Variants in KALRN observed in about 807,000 individuals in gnomAD.
The protein encoded by KALRN is kalirin RhoGEF kinase.
KALRN carries 70 observed loss-of-function variants against 353.7 expected under a neutral mutation model. That is an observed-to-expected ratio of 0.20 (90% CI 0.16 to 0.24). The LOEUF is 0.24. Ranked by LOEUF, KALRN falls within the 10% of genes least tolerant of loss-of-function variation. KALRN has a pLI of 1.00. For missense variants in KALRN, 2,791 were observed against 3,756.7 expected, an observed-to-expected ratio of 0.74 and a Z score of 6.72; for synonymous variants, 1,391 against 1,434.8, an observed-to-expected ratio of 0.97 and a Z score of 0.69.
At chr3:124,546,290 CAAAAAAAAA>C (rs5852410) in intron 33 of KALRN, among the ~76,000 whole-genome samples, 1 of 114,674 alleles carries the variant, frequency 8.7e-6, no homozygotes, top group Non-Finnish European at 1.8e-5. Context: ...CCCCATCTCT[CAAAAAAAAA>C]AAAAAAAAAA....
At chr3:124,131,810 GT>G (rs1304035562) in intron 1 of KALRN, among the ~76,000 whole-genome samples, 1 of 152,124 alleles carries the variant, frequency 6.6e-6, no homozygotes, top group Non-Finnish European at 1.5e-5. Flanking sequence ...ACAGTGCCCT[GT>G]TTAGACAACC....
intron 34 of KALRN, among the ~76,000 whole-genome samples, chr3:124,607,063 C>T (rs2077421463): frequency 6.6e-6 from 1 of 152,226 alleles, no homozygotes. Context: ...ATCAATACCA[C>T]TTCTTGTACT....
At chr3:124,281,946 C>T (rs980615422) in intron 5 of KALRN, among the ~76,000 whole-genome samples, 5 of 152,206 alleles carry the variant, frequency 3.3e-5, no homozygotes, top group East Asian at 1.9e-4. Flanking sequence ...TTTCTAGGAA[C>T]GCTACCTTAA....
intron 34 of KALRN, among the ~76,000 whole-genome samples, chr3:124,631,368 G>A (rs1404889344): frequency 1.3e-5 from 2 of 152,080 alleles, no homozygotes; most frequent in African/African-American, 4.8e-5. Flanking sequence ...TCTCCACTCA[G>A]GTATCTAATG....
intron 9 of KALRN, among the ~76,000 whole-genome samples, chr3:124,342,840 G>GA (rs2081901778): frequency 6.6e-6 from 1 of 151,894 alleles, no homozygotes; most frequent in East Asian, 1.9e-4. Context: ...CATGGAAAGG[G>GA]AAAAAAATCT....
chr3:124,148,471 CT>C (rs2067663120), intron 1 of KALRN, among the ~76,000 whole-genome samples: 1 of 152,160 alleles, frequency 6.6e-6, no homozygotes, highest in African/African-American at 2.4e-5. Flanking sequence ...CTTAGTGTTT[CT>C]GTGTAACCTG....
At chr3:124,286,338 G>A (rs2075905026) in intron 5 of KALRN, among the ~76,000 whole-genome samples, 1 of 149,946 alleles carries the variant, frequency 6.7e-6, no homozygotes. Flanking sequence ...TCCGCCTTCT[G>A]GTTTCAAGCA....
chr3:124,290,284 G>A (rs897906822), intron 5 of KALRN, among the ~76,000 whole-genome samples: 2 of 152,100 alleles, frequency 1.3e-5, no homozygotes, highest in Admixed American at 1.3e-4. Context: ...CAGACAGGGT[G>A]GAATTTCAGA....
chr3:124,531,343 A>G (rs896832352), intron 33 of KALRN, among the ~76,000 whole-genome samples: 4 of 152,236 alleles, frequency 2.6e-5, no homozygotes, highest in Non-Finnish European at 4.4e-5. Context: ...GCTTTAACTC[A>G]AATAGATTTT....
chr3:124,705,125 C>T (rs575510256), intron 57 of KALRN, among the ~76,000 whole-genome samples: 2 of 152,124 alleles, frequency 1.3e-5, no homozygotes, highest in Admixed American at 6.5e-5. Flanking sequence ...ATAGAGAAGG[C>T]AGGGGATTGT....
intron 33 of KALRN, among the ~76,000 whole-genome samples, chr3:124,512,876 A>C (rs1321737858): frequency 6.6e-6 from 1 of 152,138 alleles, no homozygotes; most frequent in Non-Finnish European, 1.5e-5. Flanking sequence ...TTACAACATG[A>C]CATAATAAAT....
In KALRN at chr3:124,403,092, G is replaced by T. The variant is rs147761039; in HGVS notation, c.2346+4221G>T. On this transcript the variant is annotated intron_variant, in intron 13 of 59. Transcript: ENST00000682506. ...TGTGCTGAAAGCAATGAACAAATGA[G>T]CCACAGTCAGCCACTGAGTTGTGAC... 1.4e-3 allele frequency among the ~76,000 whole-genome samples: 212 copies of T among 152,274 alleles called. 3 individuals carry two copies. The South Asian group carries it at 0.021, about 15-fold the overall frequency.
intron 1 of KALRN, among the ~76,000 whole-genome samples, chr3:124,070,193 A>G (rs2059947213): frequency 6.6e-6 from 1 of 152,206 alleles, no homozygotes; most frequent in African/African-American, 2.4e-5. Context: ...GACAGAGACA[A>G]CTGTTAAAGA....
intron 15 of KALRN, 26 bp from the exon 16 acceptor site, chr3:124,430,630 C>T: frequency 6.2e-7 from 1 of 1,613,246 alleles, no homozygotes; most frequent in South Asian, 1.1e-5. Flanking sequence ...AGGCCATTCA[C>T]CTGTGTGCTT....
At chr3:124,503,785 C>G (rs1054509900) in intron 33 of KALRN, among the ~76,000 whole-genome samples, 1 of 152,152 alleles carries the variant, frequency 6.6e-6, no homozygotes, top group Non-Finnish European at 1.5e-5. Flanking sequence ...GAAATTTCTT[C>G]AAATAAATGA....
intron 3 of KALRN, among the ~76,000 whole-genome samples, chr3:124,261,636 C>T (rs2072881354): frequency 6.6e-6 from 1 of 152,198 alleles, no homozygotes; most frequent in African/African-American, 2.4e-5. Flanking sequence ...TACTGACCAC[C>T]AGCTTTGGAT....
At chr3:124,464,614 A>C (rs1156316343) in intron 25 of KALRN, among the ~76,000 whole-genome samples, 1 of 152,180 alleles carries the variant, frequency 6.6e-6, no homozygotes, top group Admixed American at 6.5e-5. Context: ...ATTATGAAGA[A>C]AGAAAAAGAA....
rs1201925263 is a variant in KALRN at position 124,723,860 on chromosome 3, A to G, written c.*4390A>G. ...GGAAAAAAGGACAGAGAAGAACCCA[A>G]CAACCACTTTCTTCACTTGGGAGGG... is the stretch of plus-strand genomic sequence containing the variant. On this transcript the variant is annotated 3_prime_UTR_variant, in exon 60 of 60. Transcript: ENST00000682506. 1.3e-5 allele frequency: 2 copies of G among 152,210 alleles called. No homozygotes were observed. The highest frequency in any genetic ancestry group is 4.8e-5 in the African/African-American group (2 of 41,444). 9.4% of individuals were successfully genotyped at this position (152,210 alleles called of 1,614,324 possible).
intron 29 of KALRN, among the ~76,000 whole-genome samples, chr3:124,489,955 A>G (rs1259277912): frequency 6.6e-6 from 1 of 152,240 alleles, no homozygotes; most frequent in African/African-American, 2.4e-5. Context: ...AAAGGGAGGA[A>G]TTCTAGAAAT....
Sources: allele counts gnomAD v4.1 joint callset (sites outside exome capture counted in the v4.1 genomes callset), GRCh38; gene constraint gnomAD v4.1.1; transcripts MANE v1.5; gene names NCBI Gene and HGNC (gene_info 2026-07-23, HGNC 2026-07-21).